Variants in EVA1C observed in about 807,000 individuals in gnomAD.
The protein encoded by EVA1C is protein eva-1 homolog C.
EVA1C carries 25 observed loss-of-function variants against 45.4 expected under a neutral mutation model. The observed-to-expected ratio is 0.55, with a 90% CI of 0.40 to 0.77. EVA1C has a LOEUF of 0.77. Among genes scored for constraint, EVA1C ranks in the 30% least tolerant of loss-of-function variants. The pLI, the probability that EVA1C is intolerant of heterozygous loss-of-function variation, is 0.00. For synonymous variants in EVA1C, 190 were observed against 221.2 expected, an observed-to-expected ratio of 0.86 and a Z score of 1.25; for missense variants, 479 against 554.8, an observed-to-expected ratio of 0.86 and a Z score of 1.37.
At chr21:32,470,713 C>T (rs2036337167) in intron 4 of EVA1C, among the ~76,000 whole-genome samples, 1 of 152,136 alleles carries the variant, frequency 6.6e-6, no homozygotes, top group Non-Finnish European at 1.5e-5. Context: ...GCTTGCCTTT[C>T]TCCCCACAGT....
At chr21:32,414,560 C>A (rs928576734) in intron 1 of EVA1C, among the ~76,000 whole-genome samples, 1 of 152,126 alleles carries the variant, frequency 6.6e-6, no homozygotes, top group African/African-American at 2.4e-5. Context: ...TTTAGGGAAG[C>A]AGTTGCAATA....
At chr21:32,426,487 C>T (rs570413480) in intron 1 of EVA1C, among the ~76,000 whole-genome samples, 1 of 151,892 alleles carries the variant, frequency 6.6e-6, no homozygotes, top group African/African-American at 2.4e-5. Flanking sequence ...TGTTCCTGCT[C>T]TCATTCCCCC....
At chr21:32,497,795 T>A (rs891441791) in intron 5 of EVA1C, among the ~76,000 whole-genome samples, 2 of 152,166 alleles carry the variant, frequency 1.3e-5, no homozygotes, top group African/African-American at 4.8e-5. Context: ...ACAAGTCCCA[T>A]CTTATGCGGA....
At chr21:32,514,125 A>C (rs1419399806) in intron 7 of EVA1C, among the ~76,000 whole-genome samples, 1 of 152,168 alleles carries the variant, frequency 6.6e-6, no homozygotes, top group Non-Finnish European at 1.5e-5. Flanking sequence ...CATTTCATAT[A>C]AGTGACTCAA....
intron 1 of EVA1C, among the ~76,000 whole-genome samples, chr21:32,438,379 C>T (rs906734586): frequency 6.6e-6 from 1 of 151,536 alleles, no homozygotes; most frequent in Admixed American, 6.6e-5. Context: ...TACCTGTAGT[C>T]CCAGCTACTC....
chr21:32,498,448 A>G (rs1443518347), intron 5 of EVA1C, among the ~76,000 whole-genome samples: 1 of 151,984 alleles, frequency 6.6e-6, no homozygotes, highest in Non-Finnish European at 1.5e-5. Context: ...TCAAAAAAAA[A>G]AAAAAAAAAG....
chr21:32,455,687 A>G (rs908303083), intron 2 of EVA1C, among the ~76,000 whole-genome samples: 1 of 152,034 alleles, frequency 6.6e-6, no homozygotes, highest in African/African-American at 2.4e-5. Flanking sequence ...CTTGGCATAC[A>G]CTAGAGCATG....
chr21:32,486,934 T>G (rs1366164849), intron 4 of EVA1C, among the ~76,000 whole-genome samples: 1 of 152,164 alleles, frequency 6.6e-6, no homozygotes, highest in Non-Finnish European at 1.5e-5. Flanking sequence ...ATAAAAATGG[T>G]GTTGAGGTAT....
rs1340543361 is a variant in EVA1C at position 32,495,040 on chromosome 21, C to T, written c.648C>T (p.Tyr216=). 1.2e-6 allele frequency: 2 copies of T among 1,614,070 alleles called. No individual in the cohort carries two copies. Among genetic ancestry groups the T allele is most frequent in the East Asian group, 4.5e-5 (2 of 44,882 alleles). ...ERLPPFDCLS[Y]SALQVLSRRC... is the part of the protein sequence containing the mutation. ...CCTGCCTTTCAGATTGCTTGTCTTACTCAGCTTTGCAAGTCCTATCCCGAA... is the reference window on the plus strand; with the variant it reads ...CCTGCCTTTCAGATTGCTTGTCTTATTCAGCTTTGCAAGTCCTATCCCGAA... The change falls in exon 5 of 8, where the codon TAC becomes TAT. Residue 216 remains tyrosine, a synonymous_variant. Transcript: ENST00000300255.
chr21:32,433,848 A>C (rs2034811833), intron 1 of EVA1C, among the ~76,000 whole-genome samples: 1 of 152,150 alleles, frequency 6.6e-6, no homozygotes, highest in Non-Finnish European at 1.5e-5. Flanking sequence ...TATCCAGTAT[A>C]ATGGGTGTCC....
intron 4 of EVA1C, among the ~76,000 whole-genome samples, chr21:32,484,282 C>T (rs1310469838): frequency 1.3e-5 from 2 of 152,204 alleles, no homozygotes; most frequent in Non-Finnish European, 2.9e-5. Flanking sequence ...GTGGCTGACA[C>T]CTGTAATCCC....
At chr21:32,458,481 A>AT (rs1555859600) in intron 3 of EVA1C, among the ~76,000 whole-genome samples, 1,836 of 141,102 alleles carry the variant, frequency 0.013, 50 homozygotes, top group African/African-American at 0.039. Context: ...GAAGTTAAGC[A>AT]CTTTTTTTTT....
intron 1 of EVA1C, among the ~76,000 whole-genome samples, chr21:32,439,621 A>G (rs1168465067): frequency 1.3e-5 from 2 of 152,148 alleles, no homozygotes; most frequent in African/African-American, 4.8e-5. Flanking sequence ...TGGAATAGAT[A>G]CAGCTGGTCA....
chr21:32,509,216 A>G (rs2146466798), intron 7 of EVA1C, among the ~76,000 whole-genome samples: 2 of 152,362 alleles, frequency 1.3e-5, no homozygotes, highest in East Asian at 3.9e-4. Context: ...GCTGACCAAC[A>G]TCTGGTGAGT....
At chr21:32,511,200 G>A (rs925889582) in intron 7 of EVA1C, among the ~76,000 whole-genome samples, 10 of 152,102 alleles carry the variant, frequency 6.6e-5, no homozygotes, top group African/African-American at 2.4e-4. Context: ...CAGATCACCT[G>A]AGGTCAGGAG....
At chr21:32,441,798 T>C (rs1208838244) in intron 1 of EVA1C, among the ~76,000 whole-genome samples, 1 of 152,078 alleles carries the variant, frequency 6.6e-6, no homozygotes, top group Non-Finnish European at 1.5e-5. Context: ...AGATGGGAGA[T>C]AATTGGGTGA....
chr21:32,491,171 T>A (rs1312470488), intron 4 of EVA1C, among the ~76,000 whole-genome samples: 1 of 152,102 alleles, frequency 6.6e-6, no homozygotes, highest in African/African-American at 2.4e-5. Context: ...CAGAGGAGCA[T>A]GTGCAAAGAT....
chr21:32,485,669 C>A (rs1408713907), intron 4 of EVA1C, among the ~76,000 whole-genome samples: 1 of 152,124 alleles, frequency 6.6e-6, no homozygotes, highest in East Asian at 1.9e-4. Flanking sequence ...TGTTTGAGTT[C>A]CTGATTCTCG....
At chr21:32,506,379 A>C (rs2037722350) in intron 7 of EVA1C, among the ~76,000 whole-genome samples, 1 of 150,744 alleles carries the variant, frequency 6.6e-6, no homozygotes, top group Non-Finnish European at 1.5e-5. Context: ...TATTTATAAG[A>C]TGTCCATTTT....
Sources: gnomAD v4.1 joint callset for allele counts (sites outside exome capture counted in the v4.1 genomes callset) on GRCh38, gnomAD v4.1.1 for gene constraint, MANE v1.5 for transcripts, NCBI Gene and HGNC (gene_info 2026-07-23, HGNC 2026-07-21) for gene names.